MTMR12: variants seen among roughly 807,000 people sequenced by gnomAD.
The protein encoded by MTMR12 is myotubularin related protein 12.
A neutral mutation model predicts 96.7 loss-of-function variants in MTMR12; 33 were observed. The ratio of observed to expected loss-of-function variants is 0.34; its 90% CI spans 0.26 to 0.46. The LOEUF is 0.46. Among genes scored for constraint, MTMR12 ranks in the 20% least tolerant of loss-of-function variants. The pLI is 1.00. For synonymous variants in MTMR12, 298 were observed against 327.2 expected (o/e 0.91, Z 0.96); for missense variants, 721 against 896.1 (o/e 0.80, Z 2.49).
intron 1 of MTMR12, chr5:32,296,600 G>T: frequency 4.9e-6 from 1 of 204,406 alleles, no homozygotes; most frequent in South Asian, 5.4e-5. Context: ...CTTGAGGCCA[G>T]GAGTTTGAGA....
At chr5:32,294,347 T>C (rs76533189) in intron 1 of MTMR12, among the ~76,000 whole-genome samples, 2,225 of 152,180 alleles carry the variant, frequency 0.015, 35 homozygotes, top group East Asian at 0.07. Flanking sequence ...CTATCCCCCA[T>C]GCAGGAGTTC....
intron 2 of MTMR12, 111 bp downstream of exon 2, chr5:32,276,571 A>C (rs1010685271): frequency 9.2e-6 from 8 of 871,956 alleles, no homozygotes; most frequent in Non-Finnish European, 1.5e-5. Flanking sequence ...CATTACTGTT[A>C]TATGTGAGAA....
chr5:32,274,431 C>T (rs1025783573), intron 2 of MTMR12, among the ~76,000 whole-genome samples: 3 of 152,118 alleles, frequency 2.0e-5, no homozygotes, highest in African/African-American at 4.8e-5. Flanking sequence ...TGCACTTTCA[C>T]GCAGAAATCT....
chr5:32,302,935 G>C (rs1751206902), intron 1 of MTMR12, among the ~76,000 whole-genome samples: 1 of 152,140 alleles, frequency 6.6e-6, no homozygotes, highest in Non-Finnish European at 1.5e-5. Context: ...TTCTAAGAAA[G>C]AGTTACCACA....
At position 32,266,721 on chromosome 5, in the gene MTMR12, A is replaced by C. The variant is rs1015581261; in HGVS notation, c.583+1980T>G. ...AAACAACCAACAACAACAAAAAAAA[A>C]CTGCCACTTCCCTGACAAAAAGTAC... On this transcript the variant is annotated intron_variant, in intron 6 of 15. Transcript: ENST00000382142. Among the ~76,000 whole-genome samples the C allele has an allele frequency of 1.6e-4, 24 of 151,094 alleles. 1 individual carries two copies. The highest frequency in any genetic ancestry group is 3.4e-3 in the Middle Eastern group (1 of 290).
At chr5:32,268,603 A>G (rs1279768083) in intron 6 of MTMR12, 98 bp downstream of exon 6, 11 of 986,322 alleles carry the variant, frequency 1.1e-5, no homozygotes, top group Non-Finnish European at 1.6e-5. Flanking sequence ...AGACAGGAAA[A>G]AACAAAACAA....
chr5:32,308,594 C>T (rs1223176993), intron 1 of MTMR12, among the ~76,000 whole-genome samples: 1 of 151,980 alleles, frequency 6.6e-6, no homozygotes, highest in Non-Finnish European at 1.5e-5. Context: ...CTCACCCCTT[C>T]CTACCTTTAT....
At chr5:32,304,988 A>G (rs574687688) in intron 1 of MTMR12, among the ~76,000 whole-genome samples, 5 of 152,338 alleles carry the variant, frequency 3.3e-5, no homozygotes, top group East Asian at 3.9e-4. Flanking sequence ...TGGCCTACCA[A>G]TGACCTCCAC....
At chr5:32,243,238 C>T (rs543859502) in intron 11 of MTMR12, among the ~76,000 whole-genome samples, 29 of 152,210 alleles carry the variant, frequency 1.9e-4, no homozygotes, top group African/African-American at 6.7e-4. Flanking sequence ...CCCTGGAGGC[C>T]AGCACTGCTG....
At chr5:32,235,386 ACAG>A (rs1365421545) in intron 13 of MTMR12, among the ~76,000 whole-genome samples, 1 of 152,276 alleles carries the variant, frequency 6.6e-6, no homozygotes, top group Non-Finnish European at 1.5e-5. Flanking sequence ...GATCAGTGTT[ACAG>A]ATGAGCATCT....
intron 1 of MTMR12, among the ~76,000 whole-genome samples, chr5:32,301,936 A>G (rs1751164369): frequency 6.6e-6 from 1 of 152,184 alleles, no homozygotes; most frequent in African/African-American, 2.4e-5. Flanking sequence ...AAAAACTCTT[A>G]GCAAAAGCAA....
chr5:32,258,639 T>TTAG (rs1749232315), intron 7 of MTMR12, among the ~76,000 whole-genome samples: 1 of 152,070 alleles, frequency 6.6e-6, no homozygotes, highest in Non-Finnish European at 1.5e-5. Flanking sequence ...GACAAGAGCC[T>TTAG]CCAGCGATTA....
At chr5:32,289,291 G>T (rs572268929) in intron 1 of MTMR12, among the ~76,000 whole-genome samples, 5 of 152,270 alleles carry the variant, frequency 3.3e-5, no homozygotes, top group African/African-American at 1.2e-4. Context: ...CAGGTCTAAT[G>T]CACAAAAGAC....
At chr5:32,271,782 C>A in intron 4 of MTMR12, 51 bp downstream of exon 4, 1 of 1,054,002 alleles carries the variant, frequency 9.5e-7, no homozygotes, top group South Asian at 1.9e-5. Flanking sequence ...TTATCATTAT[C>A]ACCTATACTC....
intron 15 of MTMR12, 35 bp from the exon 16 acceptor site, chr5:32,230,382 A>G (rs1156490050): frequency 2.6e-6 from 4 of 1,544,952 alleles, no homozygotes; most frequent in African/African-American, 1.4e-5. Context: ...ATCACTGGTT[A>G]ACATAACAGG....
At chr5:32,271,095 G>C (rs1399892084) in intron 4 of MTMR12, 148 bp from the exon 5 acceptor site, 1 of 954,344 alleles carries the variant, frequency 1.0e-6, no homozygotes, top group Non-Finnish European at 1.5e-6. Context: ...GACTGCCAAA[G>C]GAAGCCCAAT....
chr5:32,242,554 T>C (rs79136786), intron 11 of MTMR12, among the ~76,000 whole-genome samples: 2,382 of 152,192 alleles, frequency 0.016, 32 homozygotes, highest in Non-Finnish European at 0.024. Context: ...AAATCCTTTT[T>C]GTCTCTCTCT....
intron 1 of MTMR12, among the ~76,000 whole-genome samples, chr5:32,301,633 G>A (rs1751145131): frequency 6.6e-6 from 1 of 152,218 alleles, no homozygotes; most frequent in African/African-American, 2.4e-5. Context: ...GCTCATGCCT[G>A]TAATCCCAGC....
chr5:32,241,021 T>C (rs1250014870), intron 12 of MTMR12, among the ~76,000 whole-genome samples: 2 of 152,174 alleles, frequency 1.3e-5, no homozygotes, highest in Non-Finnish European at 2.9e-5. Flanking sequence ...CAGTAGTCCA[T>C]CCAGGAGTGA....
Sources: gnomAD v4.1 joint callset for allele counts (sites outside exome capture counted in the v4.1 genomes callset) on GRCh38, gnomAD v4.1.1 for gene constraint, MANE v1.5 for transcripts, NCBI Gene and HGNC (gene_info 2026-07-23, HGNC 2026-07-21) for gene names.